PTCD2: variants seen among roughly 807,000 people sequenced by gnomAD.
PTCD2 encodes the protein pentatricopeptide repeat domain 2, also known as pentatricopeptide repeat-containing protein 2, mitochondrial.
A neutral mutation model predicts 42.6 loss-of-function variants in PTCD2; 31 were observed. That is an observed-to-expected ratio of 0.73 (90% CI 0.55 to 0.98). PTCD2 has a LOEUF of 0.98. Among genes scored for constraint, PTCD2 ranks in the 50% least tolerant of loss-of-function variants. The pLI, the probability that PTCD2 is intolerant of heterozygous loss-of-function variation, is 0.00. For synonymous variants in PTCD2, 183 were observed against 170.9 expected, an observed-to-expected ratio of 1.07 and a Z score of -0.55; for missense variants, 476 against 454.8, an observed-to-expected ratio of 1.05 and a Z score of -0.42.
chr5:72,338,834 A>T, intron 7 of PTCD2, 99 bp downstream of exon 7: 1 of 647,158 alleles, frequency 1.5e-6, no homozygotes, highest in Non-Finnish European at 2.7e-6. Flanking sequence ...ACTGCATCGT[A>T]AAGAAGTAGT....
At chr5:72,345,745 A>G (rs1361465252) in intron 8 of PTCD2, among the ~76,000 whole-genome samples, 2 of 152,234 alleles carry the variant, frequency 1.3e-5, no homozygotes, top group East Asian at 3.8e-4. Context: ...GGATTAAAAT[A>G]AATTATGCAT....
intron 2 of PTCD2, among the ~76,000 whole-genome samples, chr5:72,324,059 TG>T (rs1751006840): frequency 1.3e-5 from 2 of 152,176 alleles, no homozygotes; most frequent in Non-Finnish European, 2.9e-5. Flanking sequence ...ACCTTTGGAA[TG>T]GGGGGAATAT....
chr5:72,358,278 C>A lies in PTCD2; in HGVS notation c.1018C>A (p.His340Asn). 6.2e-7 allele frequency: 1 copy of A among 1,614,058 alleles called. No homozygotes were observed. The highest frequency in any genetic ancestry group is 1.1e-5 in the South Asian group (1 of 91,072). The change falls in exon 10 of 10, where the codon CAC (histidine) becomes AAC (asparagine). Residue 340 changes from histidine to asparagine, a missense_variant. His to Asn is a moderately conservative substitution (Grantham distance 68). Transcript: ENST00000380639. ...AKFDEIYGTL[H>N]ITGQVTTDSL... ...ATTTGATGAGATCTATGGGACACTG[C>A]ACATCACTGGCCAGGTCACCACTGA...
chr5:72,334,127 A>C (rs1751595481), intron 4 of PTCD2, among the ~76,000 whole-genome samples: 2 of 152,086 alleles, frequency 1.3e-5, no homozygotes, highest in South Asian at 4.2e-4. Flanking sequence ...CTCCCTCCCA[A>C]AGTACTGGGA....
rs1752973727 is a variant in PTCD2 at position 72,358,185 on chromosome 5, GTTC to G, written c.943-15_943-13del. 2 of 1,602,194 alleles carry G rather than the reference GTTC, an allele frequency of 1.2e-6. No individual in the cohort carries two copies. The highest frequency in any genetic ancestry group is 2.7e-5 in the African/African-American group (2 of 74,684). The stretch of plus-strand genomic sequence containing the variant: ...AAATCTTGCAGAGATGTAATGATGT[GTTC>G]TTGCTTTTTTCCAGCTGGCCAAAGT... On this transcript the variant is annotated splice_polypyrimidine_tract_variant and intron_variant, in intron 9 of 9. Transcript: ENST00000380639.
At chr5:72,327,470 C>G (rs1751206536) in intron 3 of PTCD2, among the ~76,000 whole-genome samples, 1 of 135,904 alleles carries the variant, frequency 7.4e-6, no homozygotes, top group Non-Finnish European at 1.5e-5. Context: ...TCTTTTTAAA[C>G]TATTTTTTTT....
chr5:72,335,455 C>CAAAAAA (rs11397039), intron 5 of PTCD2: 3 of 122,452 alleles, frequency 2.4e-5, no homozygotes, highest in South Asian at 2.6e-4. Flanking sequence ...GACTCCGTCT[C>CAAAAAA]AAAAAAAAAA....
rs538388241 is a variant in PTCD2 at position 72,360,906 on chromosome 5, C to CT, written c.*2480dup. 2.0e-5 allele frequency: 3 copies of CT among 152,200 alleles called. No individual in the cohort carries two copies. Among genetic ancestry groups the CT allele is most frequent in the Non-Finnish European group, 4.4e-5 (3 of 68,084 alleles). 9.4% of individuals were successfully genotyped at this position (152,200 alleles called of 1,614,324 possible). A position where few individuals can be genotyped will look rare whatever the true frequency, so the allele number is the denominator to read the frequency against. On this transcript the variant is annotated 3_prime_UTR_variant, in exon 10 of 10. Coordinates refer to ENST00000380639, the MANE Select transcript of PTCD2 (RefSeq NM_024754.5). ...TTCACCATGTTGGCCAGGCTGGTCT[C>CT]TAACTCTTATCCTCAAGTGATCTGC... is the stretch of plus-strand genomic sequence containing the variant.
At chr5:72,325,748 C>G (rs750903636) in intron 2 of PTCD2, among the ~76,000 whole-genome samples, 1 of 152,218 alleles carries the variant, frequency 6.6e-6, no homozygotes, top group Non-Finnish European at 1.5e-5. Context: ...TGGAACAAAT[C>G]CTATAGCTAT....
At chr5:72,331,523 T>G (rs1751439809) in intron 4 of PTCD2, 148 bp downstream of exon 4, 1 of 674,100 alleles carries the variant, frequency 1.5e-6, no homozygotes, top group Non-Finnish European at 2.7e-6. Flanking sequence ...ATTTTTAAGT[T>G]TCCTTGCAGT....
At chr5:72,346,962 T>C (rs912953969) in intron 8 of PTCD2, among the ~76,000 whole-genome samples, 2 of 152,214 alleles carry the variant, frequency 1.3e-5, no homozygotes, top group African/African-American at 4.8e-5. Context: ...TCAGTAAGAA[T>C]TGGTGATAAG....
intron 1 of PTCD2, among the ~76,000 whole-genome samples, chr5:72,321,967 T>C (rs779674179): frequency 7.2e-5 from 11 of 152,214 alleles, no homozygotes; most frequent in African/African-American, 2.7e-4. Context: ...AAATAAAACC[T>C]GTTTTGCTGA....
chr5:72,321,254 T>G (rs1331873798), intron 1 of PTCD2: 1 of 152,178 alleles, frequency 6.6e-6, no homozygotes, highest in African/African-American at 2.4e-5. Context: ...TGCTAGTGAG[T>G]GATAGTAAAA....
chr5:72,328,146 A>G (rs553646235), intron 3 of PTCD2, among the ~76,000 whole-genome samples: 163 of 152,320 alleles, frequency 1.1e-3, no homozygotes, highest in African/African-American at 3.8e-3. Flanking sequence ...ATGGCTTAAC[A>G]CAGTAACTAT....
intron 4 of PTCD2, 94 bp downstream of exon 4, chr5:72,331,469 A>G: frequency 1.1e-6 from 1 of 925,640 alleles, no homozygotes; most frequent in Non-Finnish European, 1.8e-6. Context: ...CCTGGGTTAG[A>G]TTTTCAAAGA....
chr5:72,330,414 C>G (rs900407011), intron 3 of PTCD2, among the ~76,000 whole-genome samples: 1 of 152,018 alleles, frequency 6.6e-6, no homozygotes, highest in East Asian at 1.9e-4. Context: ...GCGCTTCTCC[C>G]CAAGGTATTT....
At chr5:72,351,191 T>A (rs1050937971) in intron 8 of PTCD2, among the ~76,000 whole-genome samples, 5 of 152,214 alleles carry the variant, frequency 3.3e-5, no homozygotes, top group Admixed American at 1.3e-4. Flanking sequence ...TTCTTTAAAC[T>A]TCTTCTTGAA....
intron 2 of PTCD2, among the ~76,000 whole-genome samples, chr5:72,326,012 T>TC (rs957579036): frequency 3.3e-5 from 5 of 152,042 alleles, no homozygotes; most frequent in African/African-American, 1.2e-4. Flanking sequence ...AGGACTGTTT[T>TC]CCCCCCTGCC....
At chr5:72,340,927 A>G (rs1752020715) in intron 7 of PTCD2, among the ~76,000 whole-genome samples, 1 of 150,126 alleles carries the variant, frequency 6.7e-6, no homozygotes, top group Non-Finnish European at 1.5e-5. Context: ...ATATTTTTCA[A>G]TTAGGGTTTC....
Sources: gnomAD v4.1 joint callset for allele counts (sites outside exome capture counted in the v4.1 genomes callset) on GRCh38, gnomAD v4.1.1 for gene constraint, MANE v1.5 for transcripts, NCBI Gene and HGNC (gene_info 2026-07-23, HGNC 2026-07-21) for gene names.